Variants in CEP192 observed in about 807,000 individuals in gnomAD.
CEP192 encodes the protein centrosomal protein 192.
Under a neutral mutation model 271.8 loss-of-function variants are expected in CEP192, and 151 were observed. The ratio of observed to expected loss-of-function variants is 0.56; its 90% confidence interval spans 0.49 to 0.64. The LOEUF (loss-of-function observed/expected upper bound fraction) is 0.64, where lower values mean the gene tolerates loss of function less well. CEP192 is among the 30% of genes least tolerant of loss of function. The pLI, the probability that CEP192 is intolerant of heterozygous loss-of-function variation, is 0.00. For synonymous variants in CEP192, 995 were observed against 1,076.5 expected (o/e 0.92, Z 1.48); for missense variants, 2,910 against 3,020.5 (o/e 0.96, Z 0.86).
At chr18:13,039,496 A>G (rs1463102523) in intron 13 of CEP192, among the ~76,000 whole-genome samples, 3 of 151,864 alleles carry the variant, frequency 2.0e-5, no homozygotes, top group South Asian at 4.1e-4. Flanking sequence ...GTGAGAAGAA[A>G]TAAGACTTTT....
chr18:13,024,767 T>A (rs114737558), intron 9 of CEP192, among the ~76,000 whole-genome samples: 1,508 of 150,562 alleles, frequency 0.01, 22 homozygotes, highest in African/African-American at 0.036. Context: ...GGCCTATTTA[T>A]TTTTATTCAT....
rs2037921101 is a variant in CEP192 at position 13,069,912 on chromosome 18, G to A, written c.5174+56G>A. 2.8e-6 allele frequency: 3 copies of A among 1,082,486 alleles called. No individual in the cohort carries two copies. The South Asian group carries it at 3.9e-5, about 14-fold the overall frequency. The allele number at this position is 1,082,486 out of a possible 1,614,324, so 67.1% of individuals were successfully genotyped here. On this transcript the variant is annotated intron_variant, in intron 27 of 44. Transcript: ENST00000506447. ...ACAGTGGCTCATGCCTGTAATCCCAGCACTTTGGGAGGCCGAGGTGGGTGG... is the reference window on the plus strand; with the variant it reads ...ACAGTGGCTCATGCCTGTAATCCCAACACTTTGGGAGGCCGAGGTGGGTGG...
Position 13,056,484 on chromosome 18 carries a change from T to G in CEP192, c.3894T>G (p.Ala1298=). The G allele has an allele frequency of 1.2e-6, 2 of 1,614,226 alleles. No homozygotes were observed. Among genetic ancestry groups the G allele is most frequent in the Non-Finnish European group, 1.7e-6 (2 of 1,180,024 alleles). ...TCTCAGGAGGCCTTCCCTATCCAGC[T>G]GTTGCAGGAGAGCCTGTGCAGAACT... ...CGFSGGLPYP[A]VAGEPVQNSV... The change falls in exon 19 of 45, where the codon GCT becomes GCG. Residue 1298 remains alanine, a synonymous_variant. Coordinates refer to ENST00000506447, the MANE Select transcript of CEP192 (RefSeq NM_032142.4).
At chr18:13,081,374 TGTGTCCA>T (rs2038597448) in intron 30 of CEP192, among the ~76,000 whole-genome samples, 1 of 152,238 alleles carries the variant, frequency 6.6e-6, no homozygotes. Context: ...GGAGGATGTA[TGTGTCCA>T]GGAATTTACC....
intron 40 of CEP192, among the ~76,000 whole-genome samples, chr18:13,105,556 T>C (rs1450505654): frequency 6.6e-6 from 1 of 152,240 alleles, no homozygotes; most frequent in African/African-American, 2.4e-5. Context: ...AGCAATATAC[T>C]TTTTCATTCT....
chr18:13,067,822 G>C lies in CEP192; in HGVS notation c.4489-9G>C. The stretch of plus-strand genomic sequence containing the variant: ...TTTTCATAAATCATTCCCTTTTTTT[G>C]ATAATTAGGTAGAAACAGAAAAGAA... On this transcript the variant is annotated splice_polypyrimidine_tract_variant and intron_variant, in intron 21 of 44. Coordinates refer to ENST00000506447, the MANE Select transcript of CEP192 (RefSeq NM_032142.4). 6.3e-7 allele frequency: 1 copy of C among 1,588,278 alleles called. No homozygotes were observed. Among genetic ancestry groups the C allele is most frequent in the Admixed American group, 1.8e-5 (1 of 55,770 alleles).
intron 34 of CEP192, among the ~76,000 whole-genome samples, chr18:13,094,125 A>G (rs769427397): frequency 3.3e-5 from 5 of 152,228 alleles, no homozygotes; most frequent in Non-Finnish European, 5.9e-5. Context: ...CTTCTCAGGC[A>G]GTGTACAGTG....
intron 40 of CEP192, among the ~76,000 whole-genome samples, chr18:13,111,100 A>G (rs371138740): frequency 1.2e-4 from 18 of 152,184 alleles, no homozygotes; most frequent in African/African-American, 3.4e-4. Flanking sequence ...CTTTGATCCA[A>G]TTGAGTTGAC....
intron 42 of CEP192, among the ~76,000 whole-genome samples, chr18:13,114,675 A>T (rs2040353700): frequency 6.6e-6 from 1 of 152,182 alleles, no homozygotes; most frequent in Non-Finnish European, 1.5e-5. Flanking sequence ...AATGATTATT[A>T]ATTAAGGTGC....
intron 21 of CEP192, among the ~76,000 whole-genome samples, chr18:13,062,944 G>A (rs1784472635): frequency 6.6e-6 from 1 of 151,778 alleles, no homozygotes; most frequent in African/African-American, 2.4e-5. Context: ...CAATTGATTT[G>A]ATTTTTAGAA....
At position 13,010,568 on chromosome 18, in the gene CEP192, C is replaced by T. The variant is rs568940679; in HGVS notation, c.466+1937C>T. On this transcript the variant is annotated intron_variant, in intron 4 of 44. Coordinates refer to ENST00000506447, the MANE Select transcript of CEP192 (RefSeq NM_032142.4). Reference sequence around the variant, plus strand: ...TATCAAGAAAGGAAAAAGACGGGGCCGGGCACGGTGGCTCACACCGGTAAT... The same window carrying T: ...TATCAAGAAAGGAAAAAGACGGGGCTGGGCACGGTGGCTCACACCGGTAAT... Among the ~76,000 whole-genome samples, 11 of 152,206 alleles carry T rather than the reference C, an allele frequency of 7.2e-5. No individual in the cohort carries two copies. In the South Asian group the frequency reaches 1.2e-3, roughly 17 times the overall value.
At chr18:13,105,178 C>G in intron 40 of CEP192, 99 bp downstream of exon 40, 1 of 822,730 alleles carries the variant, frequency 1.2e-6, no homozygotes, top group Non-Finnish European at 2.1e-6. Flanking sequence ...TGGAGCAGTG[C>G]TACTCACAGA....
intron 38 of CEP192, among the ~76,000 whole-genome samples, chr18:13,102,045 G>A (rs1022390276): frequency 6.6e-6 from 1 of 152,090 alleles, no homozygotes; most frequent in Non-Finnish European, 1.5e-5. Context: ...ACTGGAAGGA[G>A]CTACTCCACC....
In CEP192 at chr18:13,110,987, G is replaced by A. The variant is rs149274843; in HGVS notation, c.7048-2599G>A. 3.9e-3 allele frequency among the ~76,000 whole-genome samples: 587 copies of A among 152,222 alleles called. 3 individuals are homozygous for A. The highest frequency in any genetic ancestry group is 7.4e-3 in the Non-Finnish European group (506 of 68,008). On this transcript the variant is annotated intron_variant, in intron 40 of 44. Transcript: ENST00000506447. ...GATTGGATGTGCTCACCCACATTAG[G>A]GTGGGCCTTCCTCTCCCAGTTCACA...
intron 21 of CEP192, among the ~76,000 whole-genome samples, chr18:13,061,684 T>A (rs1237230174): frequency 6.6e-6 from 1 of 152,246 alleles, no homozygotes; most frequent in Non-Finnish European, 1.5e-5. Flanking sequence ...TCTGCTCTGC[T>A]TGCTTTTCTT....
intron 21 of CEP192, among the ~76,000 whole-genome samples, chr18:13,066,995 G>GTGTGTGTGCC (rs2037739750): frequency 6.6e-6 from 1 of 151,466 alleles, no homozygotes; most frequent in East Asian, 1.9e-4. Context: ...GTGTGTGTGT[G>GTGTGTGTGCC]TGTGCCTGTA....
chr18:13,034,365 C>G (rs1301484512), intron 11 of CEP192, among the ~76,000 whole-genome samples: 1 of 151,704 alleles, frequency 6.6e-6, no homozygotes, highest in Non-Finnish European at 1.5e-5. Flanking sequence ...AGCCTTTTTA[C>G]TGAAAAGGAG....
At chr18:13,091,420 A>G (rs1028207031) in intron 33 of CEP192, among the ~76,000 whole-genome samples, 4 of 151,670 alleles carry the variant, frequency 2.6e-5, no homozygotes, top group Non-Finnish European at 4.4e-5. Context: ...GCCCAGAGGA[A>G]TGGAGGAAAC....
At chr18:13,089,793 T>C (rs984857150) in intron 33 of CEP192, among the ~76,000 whole-genome samples, 7 of 152,240 alleles carry the variant, frequency 4.6e-5, no homozygotes, top group African/African-American at 9.6e-5. Context: ...TAGCTTTTCA[T>C]CCATACAGAG....
Sources: allele counts gnomAD v4.1 joint callset (sites outside exome capture counted in the v4.1 genomes callset), GRCh38; gene constraint gnomAD v4.1.1; transcripts MANE v1.5; gene names NCBI Gene and HGNC (gene_info 2026-07-23, HGNC 2026-07-21).